Variants in TENM4 observed in about 807,000 individuals in gnomAD.
TENM4 encodes teneurin-4.
A neutral mutation model predicts 243.3 loss-of-function variants in TENM4; 82 were observed. The observed-to-expected ratio is 0.34, with a 90% CI of 0.28 to 0.40. The LOEUF is 0.40. Ranked by LOEUF, TENM4 falls within the 10% of genes least tolerant of loss-of-function variation. The pLI, the probability that TENM4 is intolerant of heterozygous loss-of-function variation, is 1.00. For synonymous variants in TENM4, 1,412 were observed against 1,456.3 expected (o/e 0.97, Z 0.69); for missense variants, 3,138 against 3,673.3 (o/e 0.85, Z 3.77).
chr11:78,704,849 C>A (rs1350076814), intron 27 of TENM4, among the ~76,000 whole-genome samples: 1 of 152,230 alleles, frequency 6.6e-6, no homozygotes, highest in Non-Finnish European at 1.5e-5. Context: ...GAGGCCACCT[C>A]CATCTGTCCC....
rs184128256 is a variant in TENM4 at position 78,784,517 on chromosome 11, C to A, written c.2365+2381G>T. Among the ~76,000 whole-genome samples the A allele has an allele frequency of 2.1e-3, 322 of 152,262 alleles. 2 individuals carry two copies. Among genetic ancestry groups the A allele is most frequent in the Admixed American group, 6.1e-3 (94 of 15,290 alleles). ...TAGACAAGGACGAAGAAAATGCTCA[C>A]CACACAATGAGAGGTATTAATAGAA... is the stretch of plus-strand genomic sequence containing the variant. On this transcript the variant is annotated intron_variant, in intron 16 of 33. Coordinates refer to ENST00000278550, the MANE Select transcript of TENM4 (RefSeq NM_001098816.3).
chr11:79,404,812 T>C (rs1474898426), intron 1 of TENM4, among the ~76,000 whole-genome samples: 1 of 151,874 alleles, frequency 6.6e-6, no homozygotes, highest in African/African-American at 2.4e-5. Flanking sequence ...TTCAAAATGA[T>C]ATATATGGGG....
intron 4 of TENM4, among the ~76,000 whole-genome samples, chr11:79,133,182 C>G (rs1428091913): frequency 6.6e-6 from 1 of 152,104 alleles, no homozygotes; most frequent in Non-Finnish European, 1.5e-5. Flanking sequence ...ACAACTGACA[C>G]CACTGAAATA....
intron 2 of TENM4, among the ~76,000 whole-genome samples, chr11:79,277,318 C>T (rs568159878): frequency 5.3e-5 from 8 of 152,142 alleles, no homozygotes; most frequent in Non-Finnish European, 7.3e-5. Context: ...CAGTTGTTGA[C>T]GATTTACTCT....
intron 6 of TENM4, among the ~76,000 whole-genome samples, chr11:78,926,081 G>A (rs1381287885): frequency 1.3e-5 from 2 of 152,050 alleles, no homozygotes. Flanking sequence ...GAGAGAGAAG[G>A]TAGTGTGGGA....
chr11:78,735,686 T>C (rs1185576873), intron 20 of TENM4, among the ~76,000 whole-genome samples: 3 of 152,260 alleles, frequency 2.0e-5, no homozygotes, highest in African/African-American at 7.2e-5. Context: ...ACTTGCTCCA[T>C]GGGTGAATTA....
At chr11:79,270,832 C>T (rs944729266) in intron 2 of TENM4, among the ~76,000 whole-genome samples, 4 of 152,170 alleles carry the variant, frequency 2.6e-5, no homozygotes, top group Non-Finnish European at 4.4e-5. Context: ...TACGGCCCCA[C>T]GATGGCAGGG....
intron 2 of TENM4, among the ~76,000 whole-genome samples, chr11:79,238,504 T>C (rs1387364617): frequency 6.6e-6 from 1 of 152,134 alleles, no homozygotes; most frequent in Non-Finnish European, 1.5e-5. Flanking sequence ...TTCTCGAGCC[T>C]TTTGACTCAA....
chr11:79,321,734 A>G (rs1046382833), intron 1 of TENM4, among the ~76,000 whole-genome samples: 4 of 152,062 alleles, frequency 2.6e-5, no homozygotes, highest in African/African-American at 9.7e-5. Flanking sequence ...ATCTCAAAGC[A>G]TAACAAAGAT....
At chr11:78,733,353 T>C (rs1259429686) in intron 20 of TENM4, among the ~76,000 whole-genome samples, 1 of 152,204 alleles carries the variant, frequency 6.6e-6, no homozygotes, top group African/African-American at 2.4e-5. Flanking sequence ...CCTGCCCTCC[T>C]AGTCCTAGTT....
intron 1 of TENM4, among the ~76,000 whole-genome samples, chr11:79,367,342 G>A (rs1052823158): frequency 1.3e-5 from 2 of 152,100 alleles, no homozygotes; most frequent in Admixed American, 1.3e-4. Context: ...TCCTTTACAA[G>A]AAGCTACCAC....
intron 14 of TENM4, among the ~76,000 whole-genome samples, chr11:78,808,177 A>G (rs540519035): frequency 1.4e-4 from 22 of 152,360 alleles, no homozygotes; most frequent in African/African-American, 5.0e-4. Context: ...ACAGACACAA[A>G]TGGGCAAAAA....
intron 9 of TENM4, 97 bp downstream of exon 9, chr11:78,889,688 C>A: frequency 7.6e-7 from 1 of 1,320,408 alleles, no homozygotes; most frequent in African/African-American, 1.5e-5. Context: ...GCTTTGCCTG[C>A]CATGCTAGTA....
intron 12 of TENM4, among the ~76,000 whole-genome samples, chr11:78,844,709 C>T (rs1052931594): frequency 2.6e-5 from 4 of 152,086 alleles, no homozygotes; most frequent in South Asian, 2.1e-4. Flanking sequence ...GAAAAGCCCA[C>T]ATGAGGACGA....
chr11:79,352,030 C>T (rs1432904157), intron 1 of TENM4, among the ~76,000 whole-genome samples: 1 of 152,116 alleles, frequency 6.6e-6, no homozygotes, highest in East Asian at 1.9e-4. Flanking sequence ...GATAATAATA[C>T]CTATTTCATA....
At chr11:78,829,638 T>G (rs12276734) in intron 12 of TENM4, among the ~76,000 whole-genome samples, 1 of 152,152 alleles carries the variant, frequency 6.6e-6, no homozygotes, top group African/African-American at 2.4e-5. Context: ...TAATTCTACT[T>G]TGCTATCTCC....
At chr11:79,018,417 T>C (rs970134506) in intron 6 of TENM4, among the ~76,000 whole-genome samples, 1 of 152,100 alleles carries the variant, frequency 6.6e-6, no homozygotes, top group African/African-American at 2.4e-5. Context: ...CTGGCTCCTG[T>C]CCACTATCTC....
At chr11:78,855,516 T>C (rs1858660614) in intron 11 of TENM4, among the ~76,000 whole-genome samples, 2 of 152,208 alleles carry the variant, frequency 1.3e-5, no homozygotes, top group Admixed American at 1.3e-4. Flanking sequence ...GCCTTATAAA[T>C]GTTATTCTTC....
At chr11:79,200,985 C>T (rs538695574) in intron 3 of TENM4, among the ~76,000 whole-genome samples, 30 of 152,330 alleles carry the variant, frequency 2.0e-4, no homozygotes, top group Non-Finnish European at 3.8e-4. Flanking sequence ...TTATGCCCCA[C>T]ACAGCTTTCT....
Sources: allele counts gnomAD v4.1 joint callset (sites outside exome capture counted in the v4.1 genomes callset), GRCh38; gene constraint gnomAD v4.1.1; transcripts MANE v1.5; gene names NCBI Gene and HGNC (gene_info 2026-07-23, HGNC 2026-07-21).